PPARGC1A: variants seen among roughly 807,000 people sequenced by gnomAD.
PPARGC1A encodes the protein peroxisome proliferator-activated receptor gamma coactivator 1-alpha.
PPARGC1A carries 25 observed loss-of-function variants against 88.7 expected under a neutral mutation model. The ratio of observed to expected loss-of-function variants is 0.28; its 90% CI spans 0.21 to 0.39. The LOEUF (loss-of-function observed/expected upper bound fraction) is 0.39, where lower values mean the gene tolerates loss of function less well. PPARGC1A is among the 10% of genes least tolerant of loss of function. PPARGC1A has a pLI of 1.00. For synonymous variants in PPARGC1A, 363 were observed against 355.6 expected, an observed-to-expected ratio of 1.02 and a Z score of -0.24; for missense variants, 880 against 968.7, an observed-to-expected ratio of 0.91 and a Z score of 1.22.
the PPARGC1A span, among the ~76,000 whole-genome samples, chr4:24,046,246 A>G: frequency 0.02 from 3,048 of 152,278 alleles, 58 homozygotes; most frequent in Middle Eastern, 0.051. Flanking sequence ...TTGTTCATCA[A>G]GCACATTATT....
the PPARGC1A span, among the ~76,000 whole-genome samples, chr4:24,081,889 G>A: frequency 6.6e-6 from 1 of 152,084 alleles, no homozygotes; most frequent in East Asian, 1.9e-4. Flanking sequence ...TAACCTGTCA[G>A]CTCTGGGTCT....
chr4:24,345,075 A>G, the PPARGC1A span, among the ~76,000 whole-genome samples: 4,500 of 151,644 alleles, frequency 0.03, 366 homozygotes, highest in East Asian at 0.21. Context: ...AAGTATTTCC[A>G]TTTATTTCTG....
At chr4:23,999,513 TTTG>T in the PPARGC1A span, among the ~76,000 whole-genome samples, 15 of 152,284 alleles carry the variant, frequency 9.9e-5, no homozygotes, top group Admixed American at 5.2e-4. Flanking sequence ...GGGTTGATTT[TTTG>T]TTGTTGTTGT....
intron 1 of PPARGC1A, among the ~76,000 whole-genome samples, chr4:23,897,658 C>G (rs201101511): frequency 2.4e-5 from 3 of 126,790 alleles, no homozygotes; most frequent in Non-Finnish European, 5.2e-5. Context: ...CTCAGTGTTG[C>G]TGAAAGAGCA....
At chr4:24,012,671 G>C in the PPARGC1A span, among the ~76,000 whole-genome samples, 1 of 152,126 alleles carries the variant, frequency 6.6e-6, no homozygotes, top group African/African-American at 2.4e-5. Flanking sequence ...TCAAAGTGGA[G>C]AACCTGCCAA....
At chr4:23,902,581 A>C (rs907205768), upstream of PPARGC1A, among the ~76,000 whole-genome samples, 1 of 152,228 alleles carries the variant, frequency 6.6e-6, no homozygotes, top group South Asian at 2.1e-4. Context: ...TAAGACAAAA[A>C]TATATAAAGT....
the PPARGC1A span, among the ~76,000 whole-genome samples, chr4:24,102,461 G>A: frequency 6.6e-6 from 1 of 152,174 alleles, no homozygotes; most frequent in Admixed American, 6.5e-5. Flanking sequence ...GGGGACAAGG[G>A]TCCTTCTGAT....
the PPARGC1A span, among the ~76,000 whole-genome samples, chr4:24,182,389 G>A: frequency 6.6e-6 from 1 of 152,074 alleles, no homozygotes; most frequent in Non-Finnish European, 1.5e-5. Context: ...TCTTTATCCT[G>A]TCTATCATTA....
At chr4:24,321,469 C>T in the PPARGC1A span, among the ~76,000 whole-genome samples, 2 of 152,168 alleles carry the variant, frequency 1.3e-5, no homozygotes, top group Non-Finnish European at 1.5e-5. Context: ...ATTATTGTCT[C>T]CCAACTGGGA....
At chr4:24,176,892 C>G in the PPARGC1A span, among the ~76,000 whole-genome samples, 1 of 152,124 alleles carries the variant, frequency 6.6e-6, no homozygotes, top group South Asian at 2.1e-4. Flanking sequence ...AGGTTCTCAT[C>G]TTTTTTGAAA....
At chr4:24,461,668 G>A in the PPARGC1A span, among the ~76,000 whole-genome samples, 188 of 151,944 alleles carry the variant, frequency 1.2e-3, 1 homozygote, top group African/African-American at 4.2e-3. Flanking sequence ...GCTCTCTTAG[G>A]GGGTAGGGCA....
the PPARGC1A span, among the ~76,000 whole-genome samples, chr4:24,009,554 CT>C: frequency 6.6e-6 from 1 of 152,218 alleles, no homozygotes; most frequent in Non-Finnish European, 1.5e-5. Flanking sequence ...TTGCTAGTTT[CT>C]TTCTCATTCT....
At chr4:23,949,840 C>G in the PPARGC1A span, among the ~76,000 whole-genome samples, 1 of 152,156 alleles carries the variant, frequency 6.6e-6, no homozygotes, top group South Asian at 2.1e-4. Flanking sequence ...ATCACTCATT[C>G]AAATGCATAT....
At chr4:24,208,001 G>C in the PPARGC1A span, among the ~76,000 whole-genome samples, 2 of 152,140 alleles carry the variant, frequency 1.3e-5, no homozygotes, top group South Asian at 4.1e-4. Flanking sequence ...GTTTGGGGCT[G>C]GGTGCAGTGA....
chr4:24,397,039 A>T, the PPARGC1A span, among the ~76,000 whole-genome samples: 2 of 152,274 alleles, frequency 1.3e-5, no homozygotes, highest in African/African-American at 4.8e-5. Context: ...CAAACAGTTA[A>T]GAAAAACAAC....
At chr4:24,073,074 GCT>G in the PPARGC1A span, among the ~76,000 whole-genome samples, 1 of 151,998 alleles carries the variant, frequency 6.6e-6, no homozygotes, top group African/African-American at 2.4e-5. Context: ...ATGGAGTCTT[GCT>G]CTGTCACCAG....
the PPARGC1A span, among the ~76,000 whole-genome samples, chr4:23,965,175 A>G: frequency 1.3e-5 from 2 of 152,058 alleles, no homozygotes; most frequent in African/African-American, 2.4e-5. Context: ...TCTTCTGTAT[A>G]CTCCAGTTGG....
At chr4:24,044,888 T>A in the PPARGC1A span, among the ~76,000 whole-genome samples, 1 of 152,120 alleles carries the variant, frequency 6.6e-6, no homozygotes, top group Non-Finnish European at 1.5e-5. Flanking sequence ...TCAGAAAAAC[T>A]CCTTATTTGC....
chr4:24,337,112 G>C, the PPARGC1A span, among the ~76,000 whole-genome samples: 29 of 151,952 alleles, frequency 1.9e-4, no homozygotes, highest in Admixed American at 1.8e-3. Flanking sequence ...ACCACACTAA[G>C]AATCGTTCTT....
Sources: gnomAD v4.1 joint callset for allele counts (sites outside exome capture counted in the v4.1 genomes callset) on GRCh38, gnomAD v4.1.1 for gene constraint, MANE v1.5 for transcripts, NCBI Gene and HGNC (gene_info 2026-07-23, HGNC 2026-07-21) for gene names.